Variants in CEP112 observed in about 807,000 individuals in gnomAD.
CEP112 encodes the protein centrosomal protein of 112 kDa.
Under a neutral mutation model 153.0 loss-of-function variants are expected in CEP112, and 127 were observed. That is an observed-to-expected ratio of 0.83 (90% CI 0.72 to 0.96). The LOEUF (loss-of-function observed/expected upper bound fraction) is 0.96, where lower values mean the gene tolerates loss of function less well. CEP112 is among the 40% of genes least tolerant of loss of function. CEP112 has a pLI of 0.00. For synonymous variants in CEP112, 358 were observed against 374.4 expected (o/e 0.96, Z 0.51); for missense variants, 1,089 against 1,101.2 (o/e 0.99, Z 0.16).
chr17:65,782,189 T>C (rs951112000), intron 21 of CEP112, among the ~76,000 whole-genome samples: 3 of 151,864 alleles, frequency 2.0e-5, no homozygotes, highest in African/African-American at 4.8e-5. Flanking sequence ...GCAAAAGACA[T>C]GACCAGACAT....
At chr17:65,913,760 C>T in intron 19 of CEP112, 1 of 985,408 alleles carries the variant, frequency 1.0e-6, no homozygotes, top group African/African-American at 1.7e-5. Flanking sequence ...GCTGAAGCTC[C>T]CGAAGCTCAT....
At position 66,100,715 on chromosome 17, in the gene CEP112, T is replaced by C. The variant is rs145892908; in HGVS notation, c.643-4083A>G. Among the ~76,000 whole-genome samples, 505 of 152,278 alleles carry C rather than the reference T, an allele frequency of 3.3e-3. 2 individuals are homozygous for C. The highest frequency in any genetic ancestry group is 0.012 in the African/African-American group (492 of 41,578). ...CACTCTTTACCTTGGAAAACTGACC[T>C]AAGACCATCGACTGAAACATAAACA... is the stretch of plus-strand genomic sequence containing the variant. On this transcript the variant is annotated intron_variant, in intron 6 of 26. Transcript: ENST00000535342.
At chr17:65,982,755 T>C (rs1283179984) in intron 17 of CEP112, among the ~76,000 whole-genome samples, 1 of 152,218 alleles carries the variant, frequency 6.6e-6, no homozygotes, top group Non-Finnish European at 1.5e-5. Context: ...CGAGTAATTA[T>C]ACATAAATAT....
intron 20 of CEP112, among the ~76,000 whole-genome samples, chr17:65,887,550 C>T (rs972120537): frequency 2.6e-5 from 4 of 152,190 alleles, no homozygotes; most frequent in African/African-American, 9.7e-5. Flanking sequence ...TGCAAGCATA[C>T]ACCTGTTTGT....
chr17:66,073,050 C>T (rs1478503747), intron 8 of CEP112, among the ~76,000 whole-genome samples: 1 of 152,054 alleles, frequency 6.6e-6, no homozygotes, highest in African/African-American at 2.4e-5. Flanking sequence ...AGCCTGACTT[C>T]AAAAAACATT....
intron 11 of CEP112, among the ~76,000 whole-genome samples, chr17:66,056,689 C>A (rs886737371): frequency 6.6e-6 from 1 of 152,058 alleles, no homozygotes; most frequent in African/African-American, 2.4e-5. Flanking sequence ...ATAGGCAAAT[C>A]TATAAAGACA....
intron 23 of CEP112, among the ~76,000 whole-genome samples, chr17:65,712,885 A>G (rs1463168796): frequency 6.6e-6 from 1 of 152,210 alleles, no homozygotes; most frequent in South Asian, 2.1e-4. Flanking sequence ...GTGCAGAACT[A>G]TAATGAGGCT....
intron 17 of CEP112, among the ~76,000 whole-genome samples, chr17:65,974,107 C>T (rs2062946956): frequency 6.6e-6 from 1 of 151,624 alleles, no homozygotes; most frequent in Non-Finnish European, 1.5e-5. Flanking sequence ...GACAGGGTCT[C>T]ACTTTGTCAC....
At chr17:65,953,453 G>C (rs2061903058) in intron 18 of CEP112, among the ~76,000 whole-genome samples, 1 of 152,198 alleles carries the variant, frequency 6.6e-6, no homozygotes, top group South Asian at 2.1e-4. Context: ...AGAATCCACA[G>C]ACCCTTTGAA....
At chr17:66,137,029 C>T (rs1254298515) in intron 4 of CEP112, among the ~76,000 whole-genome samples, 1 of 151,902 alleles carries the variant, frequency 6.6e-6, no homozygotes, top group African/African-American at 2.4e-5. Context: ...CAGAAACCAA[C>T]CCTAAAGAAA....
Position 65,851,693 on chromosome 17 carries a change from A to G in CEP112, c.2394+111T>C. On this transcript the variant is annotated intron_variant, in intron 21 of 26. Coordinates refer to ENST00000535342, the MANE Select transcript of CEP112 (RefSeq NM_001199165.4). Reference sequence around the variant, plus strand: ...CCTCGACTGAAGAGTTTATACATTTAAAGAGTAATGCCATGTCTACTACCT... The same window carrying G: ...CCTCGACTGAAGAGTTTATACATTTGAAGAGTAATGCCATGTCTACTACCT... The G allele has an allele frequency of 4.0e-6, 3 of 748,686 alleles. No homozygotes were observed. The South Asian group carries it at 5.3e-5, about 13-fold the overall frequency. 46.4% of individuals were successfully genotyped at this position (748,686 alleles called of 1,614,324 possible).
chr17:66,184,661 T>A (rs1442154828), intron 1 of CEP112, among the ~76,000 whole-genome samples: 1 of 152,152 alleles, frequency 6.6e-6, no homozygotes, highest in Non-Finnish European at 1.5e-5. Context: ...TACAAAATAG[T>A]ACAGGCACTC....
At chr17:65,758,838 A>T (rs530435877) in intron 21 of CEP112, among the ~76,000 whole-genome samples, 6 of 152,316 alleles carry the variant, frequency 3.9e-5, no homozygotes, top group African/African-American at 1.4e-4. Context: ...CTTTGTAGGC[A>T]TCTATTTGAA....
intron 19 of CEP112, among the ~76,000 whole-genome samples, chr17:65,908,302 CCTTT>C (rs1391351854): frequency 2.6e-5 from 4 of 152,100 alleles, no homozygotes; most frequent in Non-Finnish European, 4.4e-5. Flanking sequence ...ATATGATAGT[CCTTT>C]GAGAAGCTAG....
chr17:65,816,441 CCCA>C (rs2056270170), intron 21 of CEP112, among the ~76,000 whole-genome samples: 1 of 151,858 alleles, frequency 6.6e-6, no homozygotes, highest in Non-Finnish European at 1.5e-5. Context: ...CCACCCCCTT[CCCA>C]CCTTTTTCTC....
intron 18 of CEP112, among the ~76,000 whole-genome samples, chr17:65,936,345 A>C (rs375499478): frequency 7.2e-5 from 11 of 152,336 alleles, no homozygotes; most frequent in East Asian, 3.9e-4. Flanking sequence ...ACCAAACATT[A>C]GAAGAACTAA....
intron 21 of CEP112, among the ~76,000 whole-genome samples, chr17:65,793,684 G>A (rs1203279009): frequency 6.6e-6 from 1 of 152,006 alleles, no homozygotes; most frequent in Non-Finnish European, 1.5e-5. Context: ...GCCTTACTTA[G>A]TCCATCATTT....
At chr17:65,877,256 G>A (rs1053875727) in intron 20 of CEP112, among the ~76,000 whole-genome samples, 3 of 152,220 alleles carry the variant, frequency 2.0e-5, no homozygotes, top group Non-Finnish European at 4.4e-5. Context: ...TACAGGAAGA[G>A]GCAGGAAGTG....
intron 24 of CEP112, among the ~76,000 whole-genome samples, chr17:65,657,780 G>C (rs2046134474): frequency 6.6e-6 from 1 of 152,220 alleles, no homozygotes; most frequent in Admixed American, 6.5e-5. Flanking sequence ...CTGATACTCA[G>C]TGAGGCTGAT....
Sources: gnomAD v4.1 joint callset for allele counts (sites outside exome capture counted in the v4.1 genomes callset) on GRCh38, gnomAD v4.1.1 for gene constraint, MANE v1.5 for transcripts, NCBI Gene and HGNC (gene_info 2026-07-23, HGNC 2026-07-21) for gene names.